WWOX: variants seen among roughly 807,000 people sequenced by gnomAD.
WWOX encodes WW domain-containing oxidoreductase.
Under a neutral mutation model 46.2 loss-of-function variants are expected in WWOX, and 69 were observed. That is an observed-to-expected ratio of 1.49 (90% CI 1.23 to 1.82). The LOEUF (loss-of-function observed/expected upper bound fraction) is 1.82. Ranked by LOEUF, WWOX falls within the 40% of genes most tolerant of loss-of-function variation. The pLI is 0.00. For synonymous variants in WWOX, 359 were observed against 202.6 expected, an observed-to-expected ratio of 1.77 and a Z score of -6.56; for missense variants, 919 against 542.6, an observed-to-expected ratio of 1.69 and a Z score of -6.89.
intron 8 of WWOX, among the ~76,000 whole-genome samples, chr16:79,043,241 G>A (rs571460668): frequency 2.6e-5 from 4 of 152,116 alleles, no homozygotes; most frequent in African/African-American, 9.7e-5. Flanking sequence ...CTGTGAGGGT[G>A]CCAGGAAACT....
At chr16:78,854,657 T>G (rs527694411) in intron 8 of WWOX, among the ~76,000 whole-genome samples, 45 of 152,340 alleles carry the variant, frequency 3.0e-4, no homozygotes, top group African/African-American at 1.0e-3. Context: ...CTCAGCTGAC[T>G]GCAACCTCCG....
rs1406755814 is a variant in WWOX, at chr16:78,432,515, A to C, written c.819A>C (p.Gly273=). Residue 273 remains glycine (G), a synonymous_variant, in exon 8 of 9, where the codon GGA becomes GGC. Coordinates refer to ENST00000566780, the MANE Select transcript of WWOX (RefSeq NM_016373.4). ...HRFTDINDSL[G]KLDFSRLSPT... ...TTACAGATATTAACGACTCCTTGGG[A>C]AAACTGGACTTCAGTCGCCTCTCTC... 1 of 1,614,172 alleles carries C rather than the reference A, an allele frequency of 6.2e-7. No homozygotes were observed. Among genetic ancestry groups the C allele is most frequent in the Middle Eastern group, 1.6e-4 (1 of 6,062 alleles).
chr16:79,110,083 T>A (rs1357340028), intron 8 of WWOX, among the ~76,000 whole-genome samples: 1 of 152,160 alleles, frequency 6.6e-6, no homozygotes, highest in Non-Finnish European at 1.5e-5. Context: ...GCTTTCAGAC[T>A]TTCGCTTAGC....
intron 8 of WWOX, among the ~76,000 whole-genome samples, chr16:78,786,429 A>G (rs888916999): frequency 2.6e-5 from 4 of 152,360 alleles, no homozygotes; most frequent in African/African-American, 9.6e-5. Flanking sequence ...CTTCAAGAGC[A>G]TAGGTAACAG....
intron 8 of WWOX, among the ~76,000 whole-genome samples, chr16:78,844,716 C>T (rs893238868): frequency 6.6e-6 from 1 of 152,198 alleles, no homozygotes; most frequent in Non-Finnish European, 1.5e-5. Context: ...AGCTGGGCAA[C>T]TGTCTGCCTT....
chr16:78,629,898 T>A (rs891159694), intron 8 of WWOX, among the ~76,000 whole-genome samples: 3 of 152,208 alleles, frequency 2.0e-5, no homozygotes, highest in Non-Finnish European at 4.4e-5. Flanking sequence ...AGAAGTAGAT[T>A]TTTAGAAATA....
chr16:78,632,576 T>TTTTTTC (rs1420961621), intron 8 of WWOX, among the ~76,000 whole-genome samples: 1 of 146,874 alleles, frequency 6.8e-6, no homozygotes, highest in Non-Finnish European at 1.5e-5. Flanking sequence ...TTTTTTTTTT[T>TTTTTTC]TTGGTGGAGT....
At chr16:78,409,489 T>G (rs551025726) in intron 6 of WWOX, among the ~76,000 whole-genome samples, 2 of 152,338 alleles carry the variant, frequency 1.3e-5, no homozygotes, top group Non-Finnish European at 2.9e-5. Flanking sequence ...GGAGTTTGGA[T>G]TCCTTCCCAT....
At chr16:78,590,917 A>G (rs528974522) in intron 8 of WWOX, among the ~76,000 whole-genome samples, 134 of 152,312 alleles carry the variant, frequency 8.8e-4, no homozygotes, top group Admixed American at 3.5e-3. Context: ...GTGCATTTCT[A>G]AATCTGAGTT....
chr16:78,568,762 A>G (rs769408889), intron 8 of WWOX, among the ~76,000 whole-genome samples: 3 of 152,198 alleles, frequency 2.0e-5, no homozygotes, highest in Non-Finnish European at 2.9e-5. Context: ...GGCATGAGCC[A>G]CAGCGTCCAG....
At chr16:78,542,145 T>C (rs2043913440) in intron 8 of WWOX, among the ~76,000 whole-genome samples, 1 of 148,852 alleles carries the variant, frequency 6.7e-6, no homozygotes. Flanking sequence ...CTATCGACAC[T>C]AGACATCTCA....
intron 8 of WWOX, chr16:78,496,081 C>G (rs1273388945): frequency 6.6e-6 from 1 of 152,110 alleles, no homozygotes; most frequent in Non-Finnish European, 1.5e-5. Flanking sequence ...TTCTTTTAGG[C>G]TATTTTTCCA....
chr16:78,564,160 C>G (rs902221064), intron 8 of WWOX, among the ~76,000 whole-genome samples: 9 of 152,230 alleles, frequency 5.9e-5, no homozygotes, highest in Non-Finnish European at 8.8e-5. Flanking sequence ...AAATTGCTGA[C>G]TCATGCAATC....
chr16:78,712,444 G>T (rs1322960798), intron 8 of WWOX, among the ~76,000 whole-genome samples: 1 of 151,874 alleles, frequency 6.6e-6, no homozygotes, highest in African/African-American at 2.4e-5. Context: ...GGAGGTTGCA[G>T]TCAGCCGAGA....
chr16:78,550,640 T>G (rs1343266957), intron 8 of WWOX: 1 of 152,226 alleles, frequency 6.6e-6, no homozygotes, highest in East Asian at 1.9e-4. Flanking sequence ...AGTGCTTGCT[T>G]TGGGAGTTCT....
At chr16:78,134,343 A>AT (rs56115665) in intron 4 of WWOX, among the ~76,000 whole-genome samples, 2,717 of 150,180 alleles carry the variant, frequency 0.018, 86 homozygotes, top group African/African-American at 0.062. Flanking sequence ...TGCAAAGACT[A>AT]TTTTTTTTTT....
chr16:79,130,603 G>T (rs1402417004), intron 8 of WWOX, among the ~76,000 whole-genome samples: 2 of 152,202 alleles, frequency 1.3e-5, no homozygotes, highest in Non-Finnish European at 2.9e-5. Flanking sequence ...CATTGAGGTT[G>T]CCCCCATGGA....
intron 8 of WWOX, among the ~76,000 whole-genome samples, chr16:78,497,713 C>G (rs539439641): frequency 3.3e-4 from 50 of 152,244 alleles, no homozygotes; most frequent in African/African-American, 1.1e-3. Flanking sequence ...GATTGGATTT[C>G]CAAAATGTGG....
chr16:78,709,965 A>G (rs2048404764), intron 8 of WWOX, among the ~76,000 whole-genome samples: 1 of 152,138 alleles, frequency 6.6e-6, no homozygotes, highest in African/African-American at 2.4e-5. Context: ...CCCTGATCTC[A>G]GGTGTTCCAC....
Sources: allele counts gnomAD v4.1 joint callset (sites outside exome capture counted in the v4.1 genomes callset), GRCh38; gene constraint gnomAD v4.1.1; transcripts MANE v1.5; gene names NCBI Gene and HGNC (gene_info 2026-07-23, HGNC 2026-07-21).